Variants in RBFOX1 observed in about 807,000 individuals in gnomAD.
RBFOX1 encodes RNA binding protein fox-1 homolog 1.
RBFOX1 carries 8 observed loss-of-function variants against 57.7 expected under a neutral mutation model. The ratio of observed to expected loss-of-function variants is 0.14; its 90% CI spans 0.08 to 0.25. RBFOX1 has a LOEUF of 0.25. Ranked by LOEUF, RBFOX1 falls within the 10% of genes least tolerant of loss-of-function variation. The probability of loss-of-function intolerance (pLI) is 1.00; values close to 1 mark genes in which losing one functional copy is unlikely to be tolerated. For missense variants in RBFOX1, 611 were observed against 548.5 expected, an observed-to-expected ratio of 1.11 and a Z score of -1.14; for synonymous variants, 326 against 222.4, an observed-to-expected ratio of 1.47 and a Z score of -4.15.
chr16:6,930,770 C>G (rs1299069161), intron 3 of RBFOX1, among the ~76,000 whole-genome samples: 1 of 152,040 alleles, frequency 6.6e-6, no homozygotes, highest in Non-Finnish European at 1.5e-5. Context: ...CCACTTGATC[C>G]TCCCTCAGAG....
chr16:5,788,265 A>G (rs1171793701), intron 3 of RBFOX1, among the ~76,000 whole-genome samples: 1 of 152,114 alleles, frequency 6.6e-6, no homozygotes, highest in Non-Finnish European at 1.5e-5. Context: ...TCCATTTAGA[A>G]CCTCATTTTT....
intron 11 of RBFOX1, among the ~76,000 whole-genome samples, chr16:7,636,374 C>T (rs1027966431): frequency 2.0e-5 from 3 of 152,208 alleles, no homozygotes; most frequent in African/African-American, 7.2e-5. Context: ...TTAGACTTTA[C>T]CTCTTTGAAT....
At chr16:7,599,638 CTTTTTTTTTTTTCT>C (rs1251484290) in intron 9 of RBFOX1, among the ~76,000 whole-genome samples, 5 of 62,800 alleles carry the variant, frequency 8.0e-5, no homozygotes, top group African/African-American at 2.5e-4. Flanking sequence ...TTAATAAAGA[CTTTTTTTTTTTTCT>C]TTTTTTTTTT....
At position 7,563,753 on chromosome 16, in the gene RBFOX1, C is replaced by G. The variant is rs1441725553; in HGVS notation, c.271-16024C>G. ...AAAGTGCTGGGATTACAGGGCTGAG[C>G]CACCGCACCCACTCTATTATATATT... On this transcript the variant is annotated intron_variant, in intron 5 of 15. Transcript: ENST00000550418. 5.3e-5 allele frequency among the ~76,000 whole-genome samples: 8 copies of G among 152,258 alleles called. No homozygotes were observed. In the Middle Eastern group the frequency reaches 0.014, roughly 259 times the overall value.
chr16:7,653,689 G>A (rs551209926), intron 11 of RBFOX1, 126 bp from the exon 12 acceptor site: 7 of 1,374,332 alleles, frequency 5.1e-6, no homozygotes, highest in African/African-American at 4.3e-5. Context: ...TCTTGATTCC[G>A]GGAAGCGGGC....
At chr16:6,306,286 C>G (rs139757413) in intron 1 of RBFOX1, among the ~76,000 whole-genome samples, 10 of 152,218 alleles carry the variant, frequency 6.6e-5, no homozygotes, top group African/African-American at 2.4e-4. Flanking sequence ...AGTATTTGAG[C>G]TGAGAGTTGA....
intron 3 of RBFOX1, among the ~76,000 whole-genome samples, chr16:5,713,462 T>G (rs1444829329): frequency 6.6e-6 from 1 of 152,210 alleles, no homozygotes; most frequent in African/African-American, 2.4e-5. Flanking sequence ...TTTCCCTGTC[T>G]GAGCTAATCT....
chr16:7,615,261 A>G (rs1568107885), intron 10 of RBFOX1, among the ~76,000 whole-genome samples: 1 of 152,122 alleles, frequency 6.6e-6, no homozygotes, highest in Non-Finnish European at 1.5e-5. Flanking sequence ...TGAACCTGGG[A>G]GGCGGAGCTT....
intron 1 of RBFOX1, among the ~76,000 whole-genome samples, chr16:5,321,788 G>A (rs1467802287): frequency 6.6e-6 from 1 of 152,132 alleles, no homozygotes; most frequent in African/African-American, 2.4e-5. Flanking sequence ...AATGTGCACG[G>A]CGTGTGGCGT....
chr16:6,607,994 G>C (rs895000949), intron 2 of RBFOX1, among the ~76,000 whole-genome samples: 1 of 152,128 alleles, frequency 6.6e-6, no homozygotes, highest in Non-Finnish European at 1.5e-5. Context: ...TACTGGGAAG[G>C]CTTTGGTAGG....
At chr16:6,937,222 A>G (rs1011074975) in intron 3 of RBFOX1, among the ~76,000 whole-genome samples, 2 of 152,188 alleles carry the variant, frequency 1.3e-5, no homozygotes, top group Middle Eastern at 3.2e-3. Context: ...TCAAAATAGT[A>G]TAATGAATCC....
intron 4 of RBFOX1, among the ~76,000 whole-genome samples, chr16:7,093,768 A>C (rs530577818): frequency 6.6e-6 from 1 of 152,084 alleles, no homozygotes; most frequent in Non-Finnish European, 1.5e-5. Flanking sequence ...TAAATTGATC[A>C]GTACTTTTTT....
chr16:6,256,208 T>C (rs1370834826), intron 1 of RBFOX1, among the ~76,000 whole-genome samples: 1 of 29,272 alleles, frequency 3.4e-5, no homozygotes, highest in Non-Finnish European at 8.1e-5. Flanking sequence ...TATATGTATA[T>C]GTGTATATAT....
chr16:7,648,885 G>A (rs552298465), intron 11 of RBFOX1, among the ~76,000 whole-genome samples: 2 of 152,162 alleles, frequency 1.3e-5, no homozygotes, highest in Non-Finnish European at 2.9e-5. Context: ...GCCTCCCCTT[G>A]CTTGATTGAA....
At chr16:7,485,739 A>G (rs2065198415) in intron 4 of RBFOX1, among the ~76,000 whole-genome samples, 2 of 152,206 alleles carry the variant, frequency 1.3e-5, no homozygotes, top group Admixed American at 1.3e-4. Context: ...GTATGTACAT[A>G]TATGTATTTC....
intron 4 of RBFOX1, among the ~76,000 whole-genome samples, chr16:7,303,521 G>A (rs1330941476): frequency 6.6e-6 from 1 of 152,176 alleles, no homozygotes; most frequent in Non-Finnish European, 1.5e-5. Flanking sequence ...ACCGGCAGAG[G>A]GTTTTAGCAG....
chr16:5,285,434 A>T (rs1362160357), intron 1 of RBFOX1, among the ~76,000 whole-genome samples: 2 of 151,624 alleles, frequency 1.3e-5, no homozygotes, highest in Admixed American at 6.6e-5. Context: ...TATTCTGAAA[A>T]TTTTTTCAGG....
At chr16:5,906,935 A>C (rs1325116624) in intron 4 of RBFOX1, among the ~76,000 whole-genome samples, 2 of 151,436 alleles carry the variant, frequency 1.3e-5, no homozygotes, top group Non-Finnish European at 2.9e-5. Flanking sequence ...CAGGGTTTCA[A>C]CATGTTGGTC....
chr16:6,118,836 C>G (rs1038344211), intron 1 of RBFOX1, among the ~76,000 whole-genome samples: 6 of 151,252 alleles, frequency 4.0e-5, no homozygotes, highest in African/African-American at 1.2e-4. Context: ...CTCTTTCTCT[C>G]TTTCCCCATC....
Sources: gnomAD v4.1 joint callset for allele counts (sites outside exome capture counted in the v4.1 genomes callset) on GRCh38, gnomAD v4.1.1 for gene constraint, MANE v1.5 for transcripts, NCBI Gene and HGNC (gene_info 2026-07-23, HGNC 2026-07-21) for gene names.